The following MED16 variants were observed in gnomAD, a reference collection of about 807,000 sequenced individuals.
MED16 encodes the protein mediator of RNA polymerase II transcription subunit 16.
In MED16, 81 loss-of-function variants were observed where a neutral mutation model predicts 84.4. That is an observed-to-expected ratio of 0.96 (90% confidence interval 0.80 to 1.15). MED16 has a LOEUF of 1.15. Ranked by LOEUF, MED16 falls within the 50% of genes most tolerant of loss-of-function variation. The pLI, the probability that MED16 is intolerant of heterozygous loss-of-function variation, is 0.00. For synonymous variants in MED16, 897 were observed against 552.2 expected (o/e 1.62, Z -8.76); for missense variants, 1,585 against 1,245.9 (o/e 1.27, Z -4.10).
intron 8 of MED16, 77 bp from the exon 9 acceptor site, chr19:877,257 G>A (rs2036270946): frequency 3.5e-6 from 5 of 1,428,830 alleles, no homozygotes; most frequent in East Asian, 2.4e-5. Context: ...GGGGCCCTGG[G>A]GCTGCGGCAC....
At chr19:871,517 G>A (rs745438612) in intron 12 of MED16, 29 of 1,550,608 alleles carry the variant, frequency 1.9e-5, no homozygotes, top group African/African-American at 4.1e-5. Flanking sequence ...GAAGCACTGT[G>A]CCTTTTCCAG....
chr19:868,330 G>C, intron 15 of MED16, 79 bp from the exon 16 acceptor site: 1 of 1,587,906 alleles, frequency 6.3e-7, no homozygotes, highest in Non-Finnish European at 8.5e-7. Flanking sequence ...GGGCTCAGGG[G>C]CAGCTGAGGG....
At chr19:879,538 A>T (rs2036362428) in intron 8 of MED16, among the ~76,000 whole-genome samples, 1 of 102,004 alleles carries the variant, frequency 9.8e-6, no homozygotes, top group Admixed American at 1.2e-4. Flanking sequence ...AATGCCTACC[A>T]GGGCCACGCC....
rs2036143425 is a variant in MED16, at chr19:873,350, G to A, written c.1905+99C>T. On this transcript the variant is annotated intron_variant, in intron 11 of 15. Coordinates refer to ENST00000325464, the MANE Select transcript of MED16 (RefSeq NM_005481.3). ...AGGGGCGGGACTCCAACTAGGGGCG[G>A]GGCTGAGGTGGTTTTGAGGGGCAGG... is the stretch of plus-strand genomic sequence containing the variant. The A allele has an allele frequency of 3.1e-5, 37 of 1,204,164 alleles. No homozygotes were observed. In the South Asian group the frequency reaches 5.2e-4, roughly 17 times the overall value. 74.6% of individuals were successfully genotyped at this position (1,204,164 alleles called of 1,614,324 possible). A position where few individuals can be genotyped will look rare whatever the true frequency, so the allele number is the denominator to read the frequency against.
At chr19:868,296 C>A (rs376286071) in intron 15 of MED16, 45 bp from the exon 16 acceptor site, 15 of 1,586,424 alleles carry the variant, frequency 9.5e-6, no homozygotes, top group Non-Finnish European at 1.3e-5. Context: ...GAGTCCAGGG[C>A]GAGCGGTGGC....
rs774783810 is a variant in MED16, at chr19:875,323, C to T, written c.1692G>A (p.Leu564=). 4 of 1,610,772 alleles carry T rather than the reference C, an allele frequency of 2.5e-6. No homozygotes were observed. The highest frequency in any genetic ancestry group is 2.2e-5 in the South Asian group (2 of 91,064). The change falls in exon 10 of 16, where the codon CTG becomes CTA. Residue 564 remains leucine, a synonymous_variant. Coordinates refer to ENST00000325464, the MANE Select transcript of MED16 (RefSeq NM_005481.3). ...IAISSTLKSL[L]RPHFLNTPDK... ...CAGGCGTGTTGAGAAAGTGGGGGCG[C>T]AGCAGCGACTTCAGGGTGGAGCTGA...
intron 8 of MED16, among the ~76,000 whole-genome samples, chr19:877,699 G>A (rs1395657349): frequency 2.4e-5 from 3 of 126,118 alleles, no homozygotes; most frequent in Non-Finnish European, 5.1e-5. Context: ...TCCCCTGGTT[G>A]TCAATGCCCA....
At chr19:875,671 C>T (rs372212477) in intron 9 of MED16, among the ~76,000 whole-genome samples, 1 of 152,298 alleles carries the variant, frequency 6.6e-6, no homozygotes, top group East Asian at 1.9e-4. Context: ...GCGGCTCTGC[C>T]TCTGGTGGGG....
At chr19:890,405 C>T (rs2036609753) in intron 2 of MED16, 161 bp from the exon 3 acceptor site, 6 of 561,018 alleles carry the variant, frequency 1.1e-5, no homozygotes, top group Non-Finnish European at 1.9e-5. Flanking sequence ...GGCTGTCCCC[C>T]CGCAGGAACA....
chr19:877,435 C>T (rs1445835353), intron 8 of MED16, among the ~76,000 whole-genome samples: 4 of 152,152 alleles, frequency 2.6e-5, no homozygotes, highest in Admixed American at 6.5e-5. Flanking sequence ...TTACACTCGT[C>T]TGCTTTACCT....
At chr19:868,544 C>A (rs771487183) in intron 14 of MED16, 45 bp from the exon 15 acceptor site, 2 of 1,599,916 alleles carry the variant, frequency 1.3e-6, no homozygotes, top group South Asian at 1.1e-5. Flanking sequence ...TCCAGGCGGG[C>A]CTCCCTTACG....
chr19:882,890 T>C (rs1207554602), intron 6 of MED16, among the ~76,000 whole-genome samples: 1 of 152,216 alleles, frequency 6.6e-6, no homozygotes, highest in Non-Finnish European at 1.5e-5. Context: ...ATAGGGGTCC[T>C]GTGAGCAGCA....
chr19:877,718 T>A (rs371939662), intron 8 of MED16, among the ~76,000 whole-genome samples: 5,107 of 35,244 alleles, frequency 0.14, 25 homozygotes, highest in Non-Finnish European at 0.15. Context: ...CACCAGCCCC[T>A]GCCCCACGTG....
chr19:871,284 C>G (rs1568318618), intron 12 of MED16, 31 bp from the exon 13 acceptor site: 3 of 1,516,554 alleles, frequency 2.0e-6, no homozygotes, highest in Non-Finnish European at 2.7e-6. Context: ...AGTCTCAGCA[C>G]CCCTGACTGG....
intron 13 of MED16, 138 bp downstream of exon 13, chr19:870,899 G>A (rs1316216047): frequency 1.2e-6 from 1 of 837,108 alleles, no homozygotes; most frequent in East Asian, 2.8e-5. Flanking sequence ...GGCAGGACAT[G>A]GAGGCGGGGA....
At chr19:889,604 C>A in intron 4 of MED16, 34 bp downstream of exon 4, 2 of 1,582,070 alleles carry the variant, frequency 1.3e-6, no homozygotes, top group Non-Finnish European at 1.7e-6. Context: ...GACATCTCAT[C>A]TGCCTCATCC....
At chr19:877,663 G>A (rs1285410548) in intron 8 of MED16, among the ~76,000 whole-genome samples, 4 of 105,696 alleles carry the variant, frequency 3.8e-5, no homozygotes, top group Non-Finnish European at 7.9e-5. Flanking sequence ...CCCAGCCCCA[G>A]ACCCACGTGC....
At chr19:882,540 A>C (rs1599336768) in intron 6 of MED16, among the ~76,000 whole-genome samples, 1 of 152,216 alleles carries the variant, frequency 6.6e-6, no homozygotes, top group African/African-American at 2.4e-5. Context: ...AAAAAACAAA[A>C]ACAGTGGCCC....
Position 875,282 on chromosome 19 carries a change from T to C in MED16, c.1733A>G (p.Asp578Gly). The change falls in exon 10 of 16, where the codon GAC becomes GGC. Residue 578 changes from aspartate (D) to glycine (G), a missense_variant. Asp to Gly is a moderately conservative substitution (Grantham distance 94). Coordinates refer to ENST00000325464, the MANE Select transcript of MED16 (RefSeq NM_005481.3). ...FLNTPDKSPG[D>G]RLTEICTKIT... Reference sequence around the variant, plus strand: ...CTTGGTGCAGATCTCGGTCAGCCGGTCGCCGGGGCTCTTGTCAGGCGTGTT... The same window carrying C: ...CTTGGTGCAGATCTCGGTCAGCCGGCCGCCGGGGCTCTTGTCAGGCGTGTT... 1.3e-6 allele frequency: 2 copies of C among 1,499,058 alleles called. No individual in the cohort carries two copies. Among genetic ancestry groups the C allele is most frequent in the Non-Finnish European group, 1.8e-6 (2 of 1,125,062 alleles). 92.9% of individuals were successfully genotyped at this position (1,499,058 alleles called of 1,614,324 possible).
Sources: allele counts gnomAD v4.1 joint callset (sites outside exome capture counted in the v4.1 genomes callset), GRCh38; gene constraint gnomAD v4.1.1; transcripts MANE v1.5; gene names NCBI Gene and HGNC (gene_info 2026-07-23, HGNC 2026-07-21).